The following TSPEAR variants were observed in gnomAD, a reference collection of about 807,000 sequenced individuals.
TSPEAR encodes thrombospondin-type laminin G domain and EAR repeat-containing protein.
In TSPEAR, 69 loss-of-function variants were observed where a neutral mutation model predicts 71.6. The ratio of observed to expected loss-of-function variants is 0.96; its 90% CI spans 0.79 to 1.18. TSPEAR has a LOEUF of 1.18. TSPEAR is among the 50% of genes most tolerant of loss of function. The pLI is 0.00. For synonymous variants in TSPEAR, 402 were observed against 387.2 expected (o/e 1.04, Z -0.45); for missense variants, 971 against 894.9 (o/e 1.09, Z -1.09).
chr21:44,538,435 C>G (rs1225847102), intron 2 of TSPEAR, among the ~76,000 whole-genome samples: 21 of 80,632 alleles, frequency 2.6e-4, no homozygotes, highest in Admixed American at 8.9e-4. Flanking sequence ...CCCCCCCCCC[C>G]CAAGAGGAGA....
At chr21:44,515,668 A>C (rs1384480272) in intron 9 of TSPEAR, 3 of 130,960 alleles carry the variant, frequency 2.3e-5, no homozygotes, top group African/African-American at 8.6e-5. Context: ...TGGCCTTCAC[A>C]CGCGGCCTGA....
intron 11 of TSPEAR, among the ~76,000 whole-genome samples, chr21:44,503,598 G>GC (rs2052103893): frequency 7.0e-6 from 1 of 142,026 alleles, no homozygotes. Context: ...TGAGCCCTCA[G>GC]GGGGAAGCAA....
chr21:44,707,583 TGGGGGCGGAGC>T (rs1465526473), intron 1 of TSPEAR, among the ~76,000 whole-genome samples: 2 of 148,828 alleles, frequency 1.3e-5, no homozygotes, highest in Admixed American at 6.7e-5. Context: ...CTGATGACCA[TGGGGGCGGAGC>T]GGGGGAAAAG....
chr21:44,526,857 A>G (rs1331899941), intron 7 of TSPEAR, among the ~76,000 whole-genome samples: 1 of 152,186 alleles, frequency 6.6e-6, no homozygotes, highest in African/African-American at 2.4e-5. Flanking sequence ...GCGAGGTCCC[A>G]CCCATGGCTC....
chr21:44,682,444 T>G (rs1270593225), intron 1 of TSPEAR, among the ~76,000 whole-genome samples: 1 of 152,186 alleles, frequency 6.6e-6, no homozygotes, highest in Non-Finnish European at 1.5e-5. Flanking sequence ...CTTCGTTAGT[T>G]CTACGCTGAA....
At chr21:44,501,791 A>G (rs1319461536) in intron 11 of TSPEAR, among the ~76,000 whole-genome samples, 1 of 152,184 alleles carries the variant, frequency 6.6e-6, no homozygotes, top group Non-Finnish European at 1.5e-5. Context: ...AGAAGGAGAT[A>G]TTATTAAAAA....
At chr21:44,551,529 A>T (rs1381846315) in intron 2 of TSPEAR, 12 of 1,529,490 alleles carry the variant, frequency 7.8e-6, no homozygotes, top group East Asian at 4.5e-5. Flanking sequence ...TGTGTGAGTG[A>T]GTGTGTGTGT....
chr21:44,509,146 G>C (rs2052283663), intron 10 of TSPEAR, 53 bp downstream of exon 10: 1 of 1,570,320 alleles, frequency 6.4e-7, no homozygotes, highest in South Asian at 1.1e-5. Flanking sequence ...ATTCCGACAT[G>C]GTGGGCCTCC....
intron 1 of TSPEAR, among the ~76,000 whole-genome samples, chr21:44,649,176 T>C (rs782628306): frequency 3.5e-4 from 53 of 152,032 alleles, no homozygotes; most frequent in Non-Finnish European, 6.6e-4. Context: ...GGCGAGGACA[T>C]GGTTGGTGCA....
intron 2 of TSPEAR, among the ~76,000 whole-genome samples, chr21:44,563,393 CT>C (rs2053664327): frequency 6.6e-6 from 1 of 152,058 alleles, no homozygotes; most frequent in East Asian, 1.9e-4. Flanking sequence ...TTGTATCTCA[CT>C]GGTATTAAGT....
rs148942430 is a variant in TSPEAR at position 44,508,646 on chromosome 21, C to T, written c.1754+553G>A. 456 of 1,188,304 alleles carry T rather than the reference C, an allele frequency of 3.8e-4. 2 individuals are homozygous for T. In the East Asian group the frequency reaches 6.3e-3, roughly 16 times the overall value. 73.6% of individuals were successfully genotyped at this position (1,188,304 alleles called of 1,614,324 possible). A position where few individuals can be genotyped will look rare whatever the true frequency, so the allele number is the denominator to read the frequency against. On this transcript the variant is annotated intron_variant, in intron 10 of 11. Coordinates refer to ENST00000323084, the MANE Select transcript of TSPEAR (RefSeq NM_144991.3). ...CGCAACCTCCTGTGGCTCCACGGAGCGTGTCGGTCTGGAACCATCACTTTC... is the reference window on the plus strand; with the variant it reads ...CGCAACCTCCTGTGGCTCCACGGAGTGTGTCGGTCTGGAACCATCACTTTC...
chr21:44,570,353 A>C (rs1249561344), intron 1 of TSPEAR, among the ~76,000 whole-genome samples: 2 of 152,144 alleles, frequency 1.3e-5, no homozygotes, highest in Non-Finnish European at 2.9e-5. Flanking sequence ...GGGAGTGGAC[A>C]CCCAAGGGCA....
intron 2 of TSPEAR, among the ~76,000 whole-genome samples, chr21:44,544,321 T>C (rs1255448090): frequency 1.3e-5 from 2 of 152,070 alleles, no homozygotes; most frequent in African/African-American, 4.8e-5. Flanking sequence ...CAGTGCCTTT[T>C]AGGGGCTAGG....
At chr21:44,657,017 A>C (rs1985188942) in intron 1 of TSPEAR, among the ~76,000 whole-genome samples, 1 of 151,972 alleles carries the variant, frequency 6.6e-6, no homozygotes, top group African/African-American at 2.4e-5. Context: ...ACCTGCACCC[A>C]TGGCCCAACA....
At chr21:44,651,852 G>T in intron 1 of TSPEAR, among the ~76,000 whole-genome samples, 1 of 152,036 alleles carries the variant, frequency 6.6e-6, no homozygotes, top group Non-Finnish European at 1.5e-5. Context: ...TGGACTAAGG[G>T]GAAAAAAATC....
chr21:44,677,245 C>T, intron 1 of TSPEAR: 1 of 718,682 alleles, frequency 1.4e-6, no homozygotes, highest in Non-Finnish European at 2.6e-6. Flanking sequence ...TTGAGAAGGG[C>T]ATTGGCAGCT....
chr21:44,576,847 A>G (rs972359981), intron 1 of TSPEAR, among the ~76,000 whole-genome samples: 21 of 152,270 alleles, frequency 1.4e-4, no homozygotes, highest in Non-Finnish European at 2.9e-4. Context: ...CATGTTGTTT[A>G]AAGTGCACGT....
At chr21:44,597,481 G>A (rs1203571981) in intron 1 of TSPEAR, among the ~76,000 whole-genome samples, 3 of 148,492 alleles carry the variant, frequency 2.0e-5, no homozygotes, top group Non-Finnish European at 4.4e-5. Context: ...CGCCCAGGCT[G>A]GAGGGCAGTG....
intron 1 of TSPEAR, chr21:44,637,919 T>C: frequency 6.2e-7 from 1 of 1,612,202 alleles, no homozygotes; most frequent in Non-Finnish European, 8.5e-7. Flanking sequence ...TTCCACTTCA[T>C]GCTGCCAGCA....
Sources: allele counts gnomAD v4.1 joint callset (sites outside exome capture counted in the v4.1 genomes callset), GRCh38; gene constraint gnomAD v4.1.1; transcripts MANE v1.5; gene names NCBI Gene and HGNC (gene_info 2026-07-23, HGNC 2026-07-21).